Variants in C2orf78 observed in about 807,000 individuals in gnomAD.
C2orf78 encodes chromosome 2 open reading frame 78.
C2orf78 carries 12 observed loss-of-function variants against 21.4 expected under a neutral mutation model. The observed-to-expected ratio is 0.56, with a 90% confidence interval of 0.36 to 0.91. C2orf78 has a LOEUF of 0.91. Among genes scored for constraint, C2orf78 ranks in the 40% least tolerant of loss-of-function variants. C2orf78 has a pLI of 0.01. For synonymous variants in C2orf78, 396 were observed against 413.9 expected (o/e 0.96, Z 0.52); for missense variants, 1,042 against 1,092.4 (o/e 0.95, Z 0.65).
At chr2:73,786,217 T>C (rs370304090) in intron 1 of C2orf78, among the ~76,000 whole-genome samples, 2 of 151,706 alleles carry the variant, frequency 1.3e-5, no homozygotes, top group African/African-American at 2.4e-5. Flanking sequence ...CCATTTCTCC[T>C]GAAAATATAA....
At chr2:73,807,871 G>A (rs1211309944) in intron 1 of C2orf78, among the ~76,000 whole-genome samples, 1 of 149,740 alleles carries the variant, frequency 6.7e-6, no homozygotes, top group Admixed American at 6.6e-5. Flanking sequence ...GAAGAGCCTT[G>A]GACCACATCA....
intron 1 of C2orf78, chr2:73,809,006 G>T (rs576016140): frequency 7.5e-4 from 430 of 571,996 alleles, no homozygotes; most frequent in Middle Eastern, 4.6e-3. Flanking sequence ...AACAGGGAAA[G>T]TATTGAAGTA....
exon 3 of C2orf78, chr2:73,817,038 A>T: frequency 6.7e-7 from 1 of 1,500,840 alleles, no homozygotes; most frequent in South Asian, 1.4e-5. Flanking sequence ...GGTTTTCCAC[A>T]TATATAGATA....
chr2:73,814,538 T>G (rs1027682673), intron 2 of C2orf78, among the ~76,000 whole-genome samples: 3 of 152,218 alleles, frequency 2.0e-5, no homozygotes, highest in Non-Finnish European at 4.4e-5. Context: ...CTTAATCTAT[T>G]ACTTTAGTCT....
chr2:73,809,124 G>T (rs1443882555), intron 1 of C2orf78, among the ~76,000 whole-genome samples: 1 of 152,106 alleles, frequency 6.6e-6, no homozygotes, highest in African/African-American at 2.4e-5. Context: ...ATTACACTAG[G>T]ATAATAGACT....
intron 1 of C2orf78, chr2:73,808,603 C>T (rs1673006885): frequency 6.6e-6 from 1 of 150,862 alleles, no homozygotes; most frequent in Admixed American, 6.6e-5. Flanking sequence ...CCTCTGCCAG[C>T]CAATCCTGTC....
intron 1 of C2orf78, 147 bp from the exon 2 acceptor site, chr2:73,813,330 C>A: frequency 3.7e-6 from 3 of 801,016 alleles, no homozygotes; most frequent in Middle Eastern, 7.5e-4. Flanking sequence ...TCAAGGCCAT[C>A]ATAAACTGTT....
At position 73,815,102 on chromosome 2, in the gene C2orf78, C is replaced by T. The variant is rs751279260; in HGVS notation, c.879C>T (p.Ser293=). The T allele has an allele frequency of 3.7e-6, 6 of 1,613,292 alleles. 1 individual carries two copies. In the South Asian group the frequency reaches 6.6e-5, roughly 18 times the overall value. Residue 293 remains serine, a synonymous_variant, in exon 3 of 3, where the codon TCC becomes TCT. Coordinates refer to ENST00000409561, the Ensembl canonical transcript of C2orf78. The stretch of plus-strand genomic sequence containing the variant: ...AAACTTCCCTGGGGATGGATACTTC[C>T]CTGGGATTGCAATCTCCAAGCCAGA...
At chr2:73,815,997 A>G (rs1673187184) in exon 3 of C2orf78, 3 of 1,614,038 alleles carry the variant, frequency 1.9e-6, no homozygotes, top group East Asian at 2.2e-5. Context: ...GCAGTCAGGG[A>G]AAAAAGTCAA....
chr2:73,809,765 C>A (rs144141588), intron 1 of C2orf78, among the ~76,000 whole-genome samples: 25 of 152,216 alleles, frequency 1.6e-4, no homozygotes, highest in African/African-American at 5.5e-4. Context: ...GCCTGAGTGA[C>A]AAAGTGAGAC....
At chr2:73,815,926 A>G in exon 3 of C2orf78, 1 of 1,613,780 alleles carries the variant, frequency 6.2e-7, no homozygotes, top group South Asian at 1.1e-5. Context: ...ACTAAGAGCC[A>G]TGGGCAGGAA....
rs532060139 is a variant in C2orf78 at position 73,808,005 on chromosome 2, C to T, written c.98-5472C>T. 2.9e-4 allele frequency among the ~76,000 whole-genome samples: 44 copies of T among 151,238 alleles called. 4 individuals are homozygous for T. The highest frequency in any genetic ancestry group is 1.0e-3 in the African/African-American group (41 of 40,668). On this transcript the variant is annotated intron_variant, in intron 1 of 2. Coordinates refer to ENST00000409561, the Ensembl canonical transcript of C2orf78. ...GTGCGGTGGCTCCCGCCTGTAATCC[C>T]AGCACTTTGGGAGGCTGAGGCGAGC...
At chr2:73,809,807 A>C (rs1673038044) in intron 1 of C2orf78, among the ~76,000 whole-genome samples, 2 of 152,114 alleles carry the variant, frequency 1.3e-5, no homozygotes, top group African/African-American at 4.8e-5. Context: ...AACAAACAAA[A>C]GTAATATTCA....
intron 1 of C2orf78, among the ~76,000 whole-genome samples, chr2:73,806,942 T>C (rs1672970816): frequency 7.3e-6 from 1 of 137,168 alleles, no homozygotes; most frequent in Admixed American, 6.9e-5. Context: ...ATCCCAGCAC[T>C]TTGGGAGGCT....
rs968106746 is a variant in C2orf78, at chr2:73,810,695, TTA to T, written c.98-2771_98-2770del. Reference sequence around the variant, plus strand: ...ATATAATAAAATATACATATATATTTTATATATATATAATATACATATAAAAT... The same window carrying T: ...ATATAATAAAATATACATATATATTTTATATATATAATATACATATAAAAT... On this transcript the variant is annotated intron_variant, in intron 1 of 2. Coordinates refer to ENST00000409561, the Ensembl canonical transcript of C2orf78. Among the ~76,000 whole-genome samples, 294 of 132,690 alleles carry T rather than the reference TTA, an allele frequency of 2.2e-3. 6 individuals are homozygous for T. Among genetic ancestry groups the T allele is most frequent in the East Asian group, 9.5e-3 (47 of 4,946 alleles). 87.0% of individuals were successfully genotyped at this position (132,690 alleles called of 152,430 possible).
At chr2:73,813,993 G>C (rs1458326794) in exon 2 of C2orf78, 1 of 1,613,892 alleles carries the variant, frequency 6.2e-7, no homozygotes. Flanking sequence ...TCACTTCCCT[G>C]CCAGATAGGA....
chr2:73,808,563 C>G (rs1003350661), intron 1 of C2orf78, among the ~76,000 whole-genome samples: 37 of 150,040 alleles, frequency 2.5e-4, no homozygotes, highest in Non-Finnish European at 4.9e-4. Flanking sequence ...CAGAGCTCAG[C>G]CACTTAGTGC....
chr2:73,816,059 T>C, exon 3 of C2orf78: 1 of 1,613,844 alleles, frequency 6.2e-7, no homozygotes, highest in Non-Finnish European at 8.5e-7. Flanking sequence ...AAAATCAACC[T>C]GAGCTTAGCC....
chr2:73,809,220 G>A (rs1434991891), intron 1 of C2orf78, among the ~76,000 whole-genome samples: 2 of 152,156 alleles, frequency 1.3e-5, no homozygotes, highest in Admixed American at 1.3e-4. Flanking sequence ...CTTTCTGAGA[G>A]TGTTCATTTC....
Sources: gnomAD v4.1 joint callset for allele counts (sites outside exome capture counted in the v4.1 genomes callset) on GRCh38, gnomAD v4.1.1 for gene constraint, MANE v1.5 for transcripts, NCBI Gene and HGNC (gene_info 2026-07-23, HGNC 2026-07-21) for gene names.